The following CLEC16A variants were observed in gnomAD, a reference collection of about 807,000 sequenced individuals.
CLEC16A encodes C-type lectin domain containing 16A, also known as protein CLEC16A.
A neutral mutation model predicts 109.5 loss-of-function variants in CLEC16A; 51 were observed. The ratio of observed to expected loss-of-function variants is 0.47; its 90% CI spans 0.37 to 0.59. The LOEUF is 0.59. CLEC16A is among the 20% of genes least tolerant of loss of function. The pLI is 0.00. For synonymous variants in CLEC16A, 673 were observed against 564.2 expected (o/e 1.19, Z -2.73); for missense variants, 1,339 against 1,394.0 (o/e 0.96, Z 0.63).
chr16:11,030,567 G>C (rs980122769), intron 13 of CLEC16A, among the ~76,000 whole-genome samples: 1 of 152,176 alleles, frequency 6.6e-6, no homozygotes, highest in Non-Finnish European at 1.5e-5. Flanking sequence ...TGTTAGTGAA[G>C]AGTCTTTTCG....
At chr16:11,034,840 A>G (rs571490814) in intron 13 of CLEC16A, among the ~76,000 whole-genome samples, 28 of 152,152 alleles carry the variant, frequency 1.8e-4, no homozygotes, top group African/African-American at 6.5e-4. Flanking sequence ...CAAAGAAGCT[A>G]TTGGGTTTGC....
intron 7 of CLEC16A, among the ~76,000 whole-genome samples, chr16:10,974,462 T>TG (rs566674665): frequency 3.9e-5 from 6 of 152,272 alleles, no homozygotes; most frequent in South Asian, 4.1e-4. Flanking sequence ...GCACCATTGT[T>TG]GGGGGGGCTG....
intron 19 of CLEC16A, among the ~76,000 whole-genome samples, chr16:11,105,712 C>A (rs577219463): frequency 6.6e-6 from 1 of 152,354 alleles, no homozygotes; most frequent in African/African-American, 2.4e-5. Context: ...CCTCCCCAAG[C>A]CTTCAGCTCC....
chr16:11,167,532 C>G (rs955400753), intron 23 of CLEC16A, among the ~76,000 whole-genome samples: 2 of 152,194 alleles, frequency 1.3e-5, no homozygotes, highest in Admixed American at 1.3e-4. Flanking sequence ...ATCCTCTCAG[C>G]ACCAGGAGCC....
chr16:11,168,090 C>A (rs891807971), intron 23 of CLEC16A, among the ~76,000 whole-genome samples: 1 of 152,194 alleles, frequency 6.6e-6, no homozygotes. Flanking sequence ...CCATATACTT[C>A]TTTGCCTAAA....
chr16:11,056,743 AAAAGT>A (rs2152894981), intron 18 of CLEC16A: 1 of 152,350 alleles, frequency 6.6e-6, no homozygotes, highest in African/African-American at 2.4e-5. Flanking sequence ...ATGCAGTTTC[AAAAGT>A]AAAGGGAACA....
intron 20 of CLEC16A, among the ~76,000 whole-genome samples, chr16:11,123,053 G>T (rs1476604671): frequency 6.6e-6 from 1 of 151,898 alleles, no homozygotes; most frequent in African/African-American, 2.4e-5. Context: ...ACAAGCGCAC[G>T]CCACCATGCT....
intron 1 of CLEC16A, among the ~76,000 whole-genome samples, chr16:10,947,151 A>G (rs1464365115): frequency 6.6e-6 from 1 of 152,258 alleles, no homozygotes; most frequent in African/African-American, 2.4e-5. Flanking sequence ...AATCAGGCAG[A>G]TCAGCTTAAT....
chr16:11,121,469 T>A (rs1567349181), intron 20 of CLEC16A, among the ~76,000 whole-genome samples: 1 of 152,186 alleles, frequency 6.6e-6, no homozygotes, highest in Non-Finnish European at 1.5e-5. Flanking sequence ...GCCACTGGCA[T>A]TTTTGTGAAT....
At chr16:11,062,767 C>A (rs1481932191) in intron 19 of CLEC16A, among the ~76,000 whole-genome samples, 1 of 152,084 alleles carries the variant, frequency 6.6e-6, no homozygotes, top group Non-Finnish European at 1.5e-5. Flanking sequence ...ACTCCTTTGG[C>A]CCTTTTGCCC....
chr16:11,008,070 G>GCA (rs1488927314), intron 11 of CLEC16A, among the ~76,000 whole-genome samples: 1 of 152,120 alleles, frequency 6.6e-6, no homozygotes, highest in African/African-American at 2.4e-5. Context: ...AGCACTTAGC[G>GCA]CACACACTCT....
intron 10 of CLEC16A, among the ~76,000 whole-genome samples, chr16:11,002,325 T>C (rs1208243364): frequency 6.6e-6 from 1 of 152,140 alleles, no homozygotes. Context: ...CAGCTAATAT[T>C]TGGGGAGTGT....
At chr16:11,066,061 G>T (rs555675303) in intron 19 of CLEC16A, among the ~76,000 whole-genome samples, 137 of 152,200 alleles carry the variant, frequency 9.0e-4, no homozygotes, top group Non-Finnish European at 1.3e-3. Flanking sequence ...TCAGGGGCCA[G>T]ACTGTGCCTG....
At position 11,126,114 on chromosome 16, in the gene CLEC16A, G is replaced by C. The variant is rs201880959; in HGVS notation, c.2609G>C (p.Arg870Pro). The change falls in exon 22 of 24, where the codon CGC becomes CCC. Residue 870 changes from arginine (R) to proline (P), a missense_variant. Physicochemically the swap from Arg to Pro is moderately radical, Grantham distance 103. This residue lies in a region of CLEC16A where 1,061 missense variants were observed against 1,006.8 expected (regional missense o/e 1.05). Coordinates refer to ENST00000409790, the MANE Select transcript of CLEC16A (RefSeq NM_015226.3). Reference protein sequence around the residue: ...RRGSSDPTVQRSVFASVDKVP... With the variant: ...RRGSSDPTVQPSVFASVDKVP... ...GGCAGCAGCGACCCCACAGTGCAGCGCTCCGTGTTTGCATCGGTGGACAAG... is the reference window on the plus strand; with the variant it reads ...GGCAGCAGCGACCCCACAGTGCAGCCCTCCGTGTTTGCATCGGTGGACAAG... The C allele has an allele frequency of 6.2e-7, 1 of 1,613,744 alleles. No homozygotes were observed. Among genetic ancestry groups the C allele is most frequent in the African/African-American group, 1.3e-5 (1 of 74,968 alleles).
intron 13 of CLEC16A, among the ~76,000 whole-genome samples, chr16:11,036,487 G>T (rs1420453134): frequency 4.6e-5 from 7 of 151,036 alleles, no homozygotes; most frequent in African/African-American, 1.7e-4. Flanking sequence ...TGGGCTGTCT[G>T]TAGCTTGATT....
intron 22 of CLEC16A, among the ~76,000 whole-genome samples, chr16:11,137,365 T>C (rs1483670613): frequency 1.3e-5 from 2 of 151,948 alleles, no homozygotes; most frequent in East Asian, 3.9e-4. Flanking sequence ...TGATTTGATT[T>C]TTGCCTTAAA....
At chr16:11,082,557 A>C (rs963156724) in intron 19 of CLEC16A, among the ~76,000 whole-genome samples, 4 of 152,142 alleles carry the variant, frequency 2.6e-5, no homozygotes, top group Admixed American at 6.5e-5. Flanking sequence ...TGAATTGGGA[A>C]TGAGTGGTGT....
chr16:11,146,504 AGAGGGAGG>A (rs1490673174), intron 22 of CLEC16A, among the ~76,000 whole-genome samples: 1 of 139,540 alleles, frequency 7.2e-6, no homozygotes, highest in East Asian at 2.5e-4. Context: ...GAATGGATGT[AGAGGGAGG>A]GAGGGAGGGA....
intron 22 of CLEC16A, among the ~76,000 whole-genome samples, chr16:11,131,964 C>A (rs1333900339): frequency 2.6e-5 from 4 of 152,244 alleles, no homozygotes; most frequent in Non-Finnish European, 5.9e-5. Flanking sequence ...CTCTGCATGG[C>A]TGGTTCCTTC....
Sources: gnomAD v4.1 joint callset for allele counts (sites outside exome capture counted in the v4.1 genomes callset) on GRCh38, gnomAD v4.1.1 for gene constraint, gnomAD v4.1.1 regional missense constraint, MANE v1.5 for transcripts, NCBI Gene and HGNC (gene_info 2026-07-23, HGNC 2026-07-21) for gene names.